Variants in KIAA0825 observed in about 807,000 individuals in gnomAD.
KIAA0825 encodes KIAA0825.
KIAA0825 carries 119 observed loss-of-function variants against 147.6 expected under a neutral mutation model. The observed-to-expected ratio is 0.81, with a 90% confidence interval of 0.69 to 0.94. KIAA0825 has a LOEUF of 0.94. Among genes scored for constraint, KIAA0825 ranks in the 40% least tolerant of loss-of-function variants. The probability of loss-of-function intolerance (pLI) is 0.00; values close to 1 mark genes in which losing one functional copy is unlikely to be tolerated. For synonymous variants in KIAA0825, 470 were observed against 518.1 expected, an observed-to-expected ratio of 0.91 and a Z score of 1.26; for missense variants, 1,381 against 1,472.7, an observed-to-expected ratio of 0.94 and a Z score of 1.02.
intron 20 of KIAA0825, among the ~76,000 whole-genome samples, chr5:94,156,047 C>T (rs750498396): frequency 1.3e-5 from 2 of 152,138 alleles, no homozygotes; most frequent in Non-Finnish European, 2.9e-5. Flanking sequence ...ATGGAAAATA[C>T]TTTTATATAG....
intron 20 of KIAA0825, among the ~76,000 whole-genome samples, chr5:94,292,064 T>C (rs1777924488): frequency 6.6e-6 from 1 of 152,150 alleles, no homozygotes; most frequent in South Asian, 2.1e-4. Flanking sequence ...CAGAGACAAT[T>C]TGACTTTCTC....
At chr5:94,554,229 G>T (rs1030921860) in intron 2 of KIAA0825, among the ~76,000 whole-genome samples, 5 of 152,116 alleles carry the variant, frequency 3.3e-5, no homozygotes, top group Non-Finnish European at 7.4e-5. Context: ...AACAAAAGAT[G>T]TCTGAGACCA....
intron 20 of KIAA0825, among the ~76,000 whole-genome samples, chr5:94,237,685 C>A (rs1463332856): frequency 6.6e-6 from 1 of 152,148 alleles, no homozygotes; most frequent in African/African-American, 2.4e-5. Flanking sequence ...TATCTTAAGG[C>A]TCCTTATGCT....
intron 3 of KIAA0825, among the ~76,000 whole-genome samples, chr5:94,531,943 G>C (rs1770875711): frequency 6.6e-6 from 1 of 152,124 alleles, no homozygotes; most frequent in African/African-American, 2.4e-5. Context: ...GTGTGTGTGT[G>C]AGTGTGTGTG....
At chr5:94,487,180 C>T (rs759263750) in intron 5 of KIAA0825, among the ~76,000 whole-genome samples, 1 of 152,062 alleles carries the variant, frequency 6.6e-6, no homozygotes, top group African/African-American at 2.4e-5. Context: ...ATACAACAAT[C>T]GTGAAAGGTA....
chr5:94,590,449 C>T (rs1324334561), intron 1 of KIAA0825, among the ~76,000 whole-genome samples: 1 of 152,150 alleles, frequency 6.6e-6, no homozygotes, highest in Non-Finnish European at 1.5e-5. Flanking sequence ...TCAAGGACAA[C>T]AGCCACACTG....
At chr5:94,170,102 A>G (rs1343052469) in intron 20 of KIAA0825, among the ~76,000 whole-genome samples, 1 of 152,192 alleles carries the variant, frequency 6.6e-6, no homozygotes, top group Non-Finnish European at 1.5e-5. Flanking sequence ...GATCAAGACC[A>G]TCCTGGCTAA....
chr5:94,511,818 T>C (rs917987385), intron 5 of KIAA0825, among the ~76,000 whole-genome samples: 4 of 151,312 alleles, frequency 2.6e-5, no homozygotes, highest in African/African-American at 9.7e-5. Flanking sequence ...TGAAACCTTG[T>C]CTCTACTAAA....
intron 20 of KIAA0825, among the ~76,000 whole-genome samples, chr5:94,366,718 T>C (rs1187809521): frequency 6.6e-6 from 1 of 152,250 alleles, no homozygotes; most frequent in Non-Finnish European, 1.5e-5. Flanking sequence ...TGTTTGTTCT[T>C]CAGTGCTGTA....
intron 1 of KIAA0825, among the ~76,000 whole-genome samples, chr5:94,615,897 C>G (rs184434758): frequency 7.9e-5 from 12 of 151,878 alleles, no homozygotes; most frequent in Admixed American, 7.9e-4. Context: ...TCATAGTTCA[C>G]TGTGACCTAT....
At chr5:94,266,175 C>G (rs983322245) in intron 20 of KIAA0825, among the ~76,000 whole-genome samples, 21 of 152,150 alleles carry the variant, frequency 1.4e-4, no homozygotes, top group Admixed American at 1.4e-3. Context: ...TAATAAAATT[C>G]AAGCATTCAA....
chr5:94,554,343 T>A (rs1776121674), intron 2 of KIAA0825, among the ~76,000 whole-genome samples: 1 of 152,142 alleles, frequency 6.6e-6, no homozygotes, highest in South Asian at 2.1e-4. Context: ...ATTCCTTATA[T>A]TCTCTATATT....
chr5:94,592,791 A>C (rs1333156863), intron 1 of KIAA0825: 1 of 421,850 alleles, frequency 2.4e-6, no homozygotes, highest in Non-Finnish European at 4.5e-6. Context: ...CTGTTTGCCT[A>C]GACTCATTGG....
intron 1 of KIAA0825, among the ~76,000 whole-genome samples, chr5:94,589,009 G>T (rs1228493324): frequency 6.6e-6 from 1 of 152,106 alleles, no homozygotes. Context: ...ATCACACACT[G>T]GGGCCTGTTG....
At chr5:94,261,342 A>G (rs1310327251) in intron 20 of KIAA0825, among the ~76,000 whole-genome samples, 1 of 152,074 alleles carries the variant, frequency 6.6e-6, no homozygotes, top group African/African-American at 2.4e-5. Context: ...ACATACATAC[A>G]TACATAAAAT....
intron 6 of KIAA0825, among the ~76,000 whole-genome samples, chr5:94,479,705 C>G (rs1258031843): frequency 6.6e-6 from 1 of 152,138 alleles, no homozygotes; most frequent in Non-Finnish European, 1.5e-5. Context: ...TACCATTTTG[C>G]ATTCCTAACA....
At chr5:94,256,382 G>T (rs894846178) in intron 20 of KIAA0825, among the ~76,000 whole-genome samples, 1 of 152,052 alleles carries the variant, frequency 6.6e-6, no homozygotes, top group Non-Finnish European at 1.5e-5. Flanking sequence ...TCCTATAGCA[G>T]TTAGGATAAT....
chr5:94,337,281 T>C (rs755666995), intron 20 of KIAA0825, among the ~76,000 whole-genome samples: 8 of 152,220 alleles, frequency 5.3e-5, no homozygotes, highest in Non-Finnish European at 8.8e-5. Context: ...TTCAGCGTAT[T>C]GGTATGGATC....
chr5:94,237,827 G>A (rs1286287721), intron 20 of KIAA0825, among the ~76,000 whole-genome samples: 1 of 152,172 alleles, frequency 6.6e-6, no homozygotes, highest in African/African-American at 2.4e-5. Context: ...CTGCAAAAGT[G>A]AATGTCCTAA....
Sources: gnomAD v4.1 joint callset for allele counts (sites outside exome capture counted in the v4.1 genomes callset) on GRCh38, gnomAD v4.1.1 for gene constraint, MANE v1.5 for transcripts, NCBI Gene and HGNC (gene_info 2026-07-23, HGNC 2026-07-21) for gene names.